STK38L: variants seen among roughly 807,000 people sequenced by gnomAD.
The protein encoded by STK38L is serine/threonine kinase 38 like.
In STK38L, 28 loss-of-function variants were observed where a neutral mutation model predicts 59.7. The observed-to-expected ratio is 0.47, with a 90% CI of 0.35 to 0.64. STK38L has a LOEUF of 0.64. STK38L is among the 30% of genes least tolerant of loss of function. The probability of loss-of-function intolerance (pLI) is 0.01; values close to 1 mark genes in which losing one functional copy is unlikely to be tolerated. For missense variants in STK38L, 314 were observed against 555.8 expected (o/e 0.56, Z 4.37); for synonymous variants, 162 against 176.8 (o/e 0.92, Z 0.66).
chr12:27,297,922 C>T, intron 2 of STK38L, 68 bp downstream of exon 2: 2 of 1,566,854 alleles, frequency 1.3e-6, no homozygotes, highest in Non-Finnish European at 1.7e-6. Context: ...GGAATAGAAA[C>T]TTGTTTACCA....
intron 1 of STK38L, among the ~76,000 whole-genome samples, chr12:27,295,049 T>A (rs1021338464): frequency 6.6e-6 from 1 of 152,196 alleles, no homozygotes; most frequent in Non-Finnish European, 1.5e-5. Context: ...ATGAGCCCAA[T>A]GATTCTGAAA....
intron 1 of STK38L, among the ~76,000 whole-genome samples, chr12:27,296,771 C>T (rs988940754): frequency 2.0e-5 from 3 of 152,206 alleles, no homozygotes; most frequent in African/African-American, 7.2e-5. Flanking sequence ...AGGCAAGTCT[C>T]TTAGGGTCAG....
chr12:27,260,999 CAT>C, intron 1 of STK38L, among the ~76,000 whole-genome samples: 1 of 152,174 alleles, frequency 6.6e-6, no homozygotes, highest in Non-Finnish European at 1.5e-5. Flanking sequence ...TTTCTCTGAA[CAT>C]TTTGTAATTT....
intron 1 of STK38L, among the ~76,000 whole-genome samples, chr12:27,291,992 G>T (rs1943906871): frequency 1.3e-5 from 2 of 152,136 alleles, no homozygotes; most frequent in Non-Finnish European, 2.9e-5. Context: ...CTTTCCCCAG[G>T]CTTGATAAAA....
At chr12:27,260,358 T>C (rs1943178951) in intron 1 of STK38L, among the ~76,000 whole-genome samples, 1 of 152,238 alleles carries the variant, frequency 6.6e-6, no homozygotes, top group Non-Finnish European at 1.5e-5. Flanking sequence ...TGCCTTCCTT[T>C]GTATTTTTCT....
chr12:27,265,727 A>T (rs1036743852), intron 1 of STK38L, among the ~76,000 whole-genome samples: 5 of 152,210 alleles, frequency 3.3e-5, no homozygotes, highest in Non-Finnish European at 5.9e-5. Flanking sequence ...TAATGAAAGT[A>T]TTGGCCATGT....
intron 1 of STK38L, among the ~76,000 whole-genome samples, chr12:27,254,044 C>A (rs901234042): frequency 3.3e-5 from 5 of 152,088 alleles, no homozygotes; most frequent in Non-Finnish European, 5.9e-5. Flanking sequence ...GTAAAGATAC[C>A]ATCAGCCAGA....
intron 1 of STK38L, among the ~76,000 whole-genome samples, chr12:27,296,084 T>C (rs1421246761): frequency 1.3e-5 from 2 of 152,228 alleles, no homozygotes; most frequent in East Asian, 3.8e-4. Flanking sequence ...TTCCCTACTT[T>C]GCAGGGCTGT....
intron 1 of STK38L, among the ~76,000 whole-genome samples, chr12:27,290,762 C>T (rs970007242): frequency 6.6e-6 from 1 of 152,118 alleles, no homozygotes; most frequent in Admixed American, 6.6e-5. Context: ...TGTAAGGGGC[C>T]GGCTGCAGCT....
chr12:27,313,958 T>C (rs776637101), intron 6 of STK38L, among the ~76,000 whole-genome samples: 1 of 152,308 alleles, frequency 6.6e-6, no homozygotes, highest in Non-Finnish European at 1.5e-5. Context: ...GTGGTAGATA[T>C]TACTTCATTA....
At chr12:27,312,747 G>T in intron 6 of STK38L, 75 bp downstream of exon 6, 1 of 1,548,216 alleles carries the variant, frequency 6.5e-7, no homozygotes, top group South Asian at 1.2e-5. Flanking sequence ...TTATTGGTGA[G>T]GTTTACTTTT....
chr12:27,251,401 A>G (rs1279049758), intron 1 of STK38L, among the ~76,000 whole-genome samples: 1 of 152,186 alleles, frequency 6.6e-6, no homozygotes, highest in Non-Finnish European at 1.5e-5. Flanking sequence ...CTAGGCAGTG[A>G]GGGTTATGGC....
At chr12:27,284,125 G>A (rs1453466206) in intron 1 of STK38L, among the ~76,000 whole-genome samples, 2 of 152,204 alleles carry the variant, frequency 1.3e-5, no homozygotes, top group African/African-American at 4.8e-5. Flanking sequence ...TGTGAGATAG[G>A]AAGCAATGAC....
chr12:27,265,532 C>T (rs1249515861), intron 1 of STK38L, among the ~76,000 whole-genome samples: 2 of 152,174 alleles, frequency 1.3e-5, no homozygotes, highest in Non-Finnish European at 2.9e-5. Context: ...TTACCTATGA[C>T]TTCTGTAAGC....
intron 1 of STK38L, among the ~76,000 whole-genome samples, chr12:27,252,692 C>A (rs554612897): frequency 3.0e-4 from 45 of 152,264 alleles, no homozygotes; most frequent in African/African-American, 1.1e-3. Context: ...CTTATCTAGA[C>A]AAACAGAATA....
intron 10 of STK38L, chr12:27,317,662 A>G: frequency 2.8e-6 from 2 of 711,722 alleles, no homozygotes; most frequent in Non-Finnish European, 4.5e-6. Context: ...CCAAACTCCC[A>G]CGTATAAAAG....
At chr12:27,248,809 T>C (rs911815276) in intron 1 of STK38L, among the ~76,000 whole-genome samples, 1 of 152,192 alleles carries the variant, frequency 6.6e-6, no homozygotes, top group African/African-American at 2.4e-5. Context: ...AGCACGTGTG[T>C]TTATATTATT....
chr12:27,314,340 G>GCAGTGAGC (rs1944531589), intron 6 of STK38L, among the ~76,000 whole-genome samples, 164 bp from the exon 7 acceptor site: 1 of 148,022 alleles, frequency 6.8e-6, no homozygotes, highest in Non-Finnish European at 1.5e-5. Flanking sequence ...GGCGGAGGTT[G>GCAGTGAGC]CAGTGAGCCA....
intron 1 of STK38L, among the ~76,000 whole-genome samples, chr12:27,263,812 A>G (rs945541017): frequency 6.6e-6 from 1 of 152,224 alleles, no homozygotes; most frequent in Non-Finnish European, 1.5e-5. Context: ...AGATGACAAC[A>G]TACATGACTG....
Sources: gnomAD v4.1 joint callset for allele counts (sites outside exome capture counted in the v4.1 genomes callset) on GRCh38, gnomAD v4.1.1 for gene constraint, MANE v1.5 for transcripts, NCBI Gene and HGNC (gene_info 2026-07-23, HGNC 2026-07-21) for gene names.